Variants in DYNC2H1 observed in about 807,000 individuals in gnomAD.
The protein encoded by DYNC2H1 is cytoplasmic dynein 2 heavy chain 1.
In DYNC2H1, 410 loss-of-function variants were observed where a neutral mutation model predicts 570.0. The observed-to-expected ratio is 0.72, with a 90% confidence interval of 0.66 to 0.78. The LOEUF (loss-of-function observed/expected upper bound fraction) is 0.78, where lower values mean the gene tolerates loss of function less well. DYNC2H1 is among the 30% of genes least tolerant of loss of function. The pLI, the probability that DYNC2H1 is intolerant of heterozygous loss-of-function variation, is 0.00. For synonymous variants in DYNC2H1, 1,688 were observed against 1,677.6 expected (o/e 1.01, Z -0.15); for missense variants, 4,865 against 5,046.4 (o/e 0.96, Z 1.09).
intron 85 of DYNC2H1, among the ~76,000 whole-genome samples, chr11:103,445,895 G>A (rs1052821065): frequency 2.0e-5 from 3 of 152,024 alleles, no homozygotes; most frequent in East Asian, 3.9e-4. Flanking sequence ...CTCGTGATCC[G>A]CCCGCCTCGG....
At chr11:103,412,221 G>T (rs1943117263) in intron 84 of DYNC2H1, among the ~76,000 whole-genome samples, 5 of 152,060 alleles carry the variant, frequency 3.3e-5, no homozygotes, top group Admixed American at 3.3e-4. Context: ...TGTGCTTTAG[G>T]AAAGAGTTCA....
At chr11:103,372,900 C>G (rs2671371) in intron 83 of DYNC2H1, among the ~76,000 whole-genome samples, 101,036 of 151,944 alleles carry the variant, frequency 0.66, 33,782 homozygotes, top group Admixed American at 0.72. Context: ...TTCTATTACA[C>G]ATTCAGTTTC....
chr11:103,142,205 G>A lies in DYNC2H1; in HGVS notation c.2575-1063G>A, dbSNP rs1016901690. 1.8e-4 allele frequency among the ~76,000 whole-genome samples: 28 copies of A among 152,218 alleles called. 1 individual carries two copies. The highest frequency in any genetic ancestry group is 3.1e-4 in the African/African-American group (13 of 41,468). ...CCCTGCTTCGGCTCACGCACGATGC[G>A]CTGCACCCACTGTCCTGTGCCCACT... On this transcript the variant is annotated intron_variant, in intron 17 of 88. Transcript: ENST00000375735.
chr11:103,475,250 A>G (rs938607869), intron 88 of DYNC2H1, among the ~76,000 whole-genome samples: 1 of 152,170 alleles, frequency 6.6e-6, no homozygotes, highest in Non-Finnish European at 1.5e-5. Flanking sequence ...AAAACTTTGG[A>G]GGAAATATAA....
At chr11:103,128,800 C>T in intron 12 of DYNC2H1, 110 bp from the exon 13 acceptor site, 1 of 948,596 alleles carries the variant, frequency 1.1e-6, no homozygotes, top group Non-Finnish European at 1.5e-6. Context: ...AACCAATTTT[C>T]TGTTTAAATT....
chr11:103,329,981 T>G (rs1278563246), intron 82 of DYNC2H1, among the ~76,000 whole-genome samples: 1 of 152,228 alleles, frequency 6.6e-6, no homozygotes, highest in Non-Finnish European at 1.5e-5. Flanking sequence ...AGTCCAAAGC[T>G]TATCCTCTCC....
At position 103,159,095 on chromosome 11, in the gene DYNC2H1, C is replaced by A. The variant is rs369618812; in HGVS notation, c.4378+68C>A. 29 of 1,258,106 alleles carry A rather than the reference C, an allele frequency of 2.3e-5. 1 individual carries two copies. The highest frequency in any genetic ancestry group is 1.2e-4 in the East Asian group (5 of 40,980). The allele number at this position is 1,258,106 out of a possible 1,614,324, so 77.9% of individuals were successfully genotyped here. On this transcript the variant is annotated intron_variant, in intron 28 of 88. Transcript: ENST00000375735. Reference sequence around the variant, plus strand: ...ACTGTCTGCCAGGCCTAATATTATGCTCTTAGGTAGACTACTGAATACAGC... The same window carrying A: ...ACTGTCTGCCAGGCCTAATATTATGATCTTAGGTAGACTACTGAATACAGC...
rs1864417219 is a variant in DYNC2H1 at position 103,241,397 on chromosome 11, T to C, written c.9820-2296T>C. The stretch of plus-strand genomic sequence containing the variant: ...TAAAATGTACCATAGAAATCTTATC[T>C]AAATCTGTCTGGAGACGTAAAATAA... On this transcript the variant is annotated intron_variant, in intron 63 of 88. Transcript: ENST00000375735. This position sits in a 1 kb window ranked among gnomAD's most constrained non-coding sequence, Gnocchi z 5.1. 4.1e-6 allele frequency: 3 copies of C among 732,764 alleles called. No individual in the cohort carries two copies. The Admixed American group carries it at 8.0e-5, about 19-fold the overall frequency. 45.4% of individuals were successfully genotyped at this position (732,764 alleles called of 1,614,324 possible). A position where few individuals can be genotyped will look rare whatever the true frequency, so the allele number is the denominator to read the frequency against.
At chr11:103,297,182 A>G (rs908236874) in intron 75 of DYNC2H1, among the ~76,000 whole-genome samples, 1 of 152,134 alleles carries the variant, frequency 6.6e-6, no homozygotes, top group African/African-American at 2.4e-5. Context: ...TATATTAAAA[A>G]CATCAAAAAT....
chr11:103,415,305 C>T (rs1303336183), intron 84 of DYNC2H1, among the ~76,000 whole-genome samples: 2 of 152,082 alleles, frequency 1.3e-5, no homozygotes, highest in Non-Finnish European at 2.9e-5. Context: ...GCAACAAAAG[C>T]CAAAATTGAC....
intron 84 of DYNC2H1, among the ~76,000 whole-genome samples, chr11:103,426,702 A>T (rs1943685137): frequency 6.6e-6 from 1 of 152,186 alleles, no homozygotes; most frequent in Non-Finnish European, 1.5e-5. Flanking sequence ...TTCAGTTAAT[A>T]GCTGGCTAAT....
chr11:103,271,130 A>C (rs1168824630), intron 70 of DYNC2H1, among the ~76,000 whole-genome samples: 1 of 152,196 alleles, frequency 6.6e-6, no homozygotes, highest in Non-Finnish European at 1.5e-5. Flanking sequence ...TTTAGTGTGC[A>C]AATAATTTAA....
chr11:103,412,780 G>T (rs962930914), intron 84 of DYNC2H1, among the ~76,000 whole-genome samples: 8 of 152,164 alleles, frequency 5.3e-5, no homozygotes, highest in African/African-American at 1.9e-4. Context: ...GAGGAAGGAT[G>T]TACTTTCTTA....
At chr11:103,359,449 C>T (rs577929063) in intron 83 of DYNC2H1, among the ~76,000 whole-genome samples, 2 of 152,246 alleles carry the variant, frequency 1.3e-5, no homozygotes, top group Admixed American at 6.5e-5. Context: ...TCAGGCACAT[C>T]TGATTTTATG....
At position 103,446,037 on chromosome 11, in the gene DYNC2H1, T is replaced by TTTTTTG. The variant is rs1944415502; in HGVS notation, c.12457-9147_12457-9146insTTTGTT. Among the ~76,000 whole-genome samples, 1 of 150,478 alleles carries TTTTTTG rather than the reference T, an allele frequency of 6.6e-6. No homozygotes were observed. Among genetic ancestry groups the TTTTTTG allele is most frequent in the African/African-American group, 2.5e-5 (1 of 40,812 alleles). Reference sequence around the variant, plus strand: ...TGACAATATGGTAATAGAGCAGAGTTTTGTTGTTGTTGTTGTTGTTGTTGT... The same window carrying TTTTTTG: ...TGACAATATGGTAATAGAGCAGAGTTTTTTTGTTGTTGTTGTTGTTGTTGTTGTTGT... On this transcript the variant is annotated intron_variant, in intron 85 of 88. Transcript: ENST00000375735. This position sits in a 1 kb window ranked among gnomAD's most constrained non-coding sequence, Gnocchi z 4.5.
intron 75 of DYNC2H1, among the ~76,000 whole-genome samples, chr11:103,298,836 A>G (rs994084258): frequency 1.3e-5 from 2 of 152,172 alleles, no homozygotes; most frequent in Non-Finnish European, 2.9e-5. Context: ...ACCTTAAAAT[A>G]GTAAGTTAAA....
intron 84 of DYNC2H1, among the ~76,000 whole-genome samples, chr11:103,422,410 C>G (rs2135718489): frequency 6.6e-6 from 1 of 152,226 alleles, no homozygotes; most frequent in South Asian, 2.1e-4. Flanking sequence ...AGGCCAATAT[C>G]CTTGATGAAC....
At chr11:103,403,411 T>C (rs1238650722) in intron 84 of DYNC2H1, 1 of 152,098 alleles carries the variant, frequency 6.6e-6, no homozygotes, top group African/African-American at 2.4e-5. Context: ...TGGAAATATC[T>C]AGTCGAGGCA....
chr11:103,282,938 A>G, intron 72 of DYNC2H1, 70 bp from the exon 73 acceptor site: 3 of 1,084,076 alleles, frequency 2.8e-6, no homozygotes, highest in Non-Finnish European at 4.0e-6. Context: ...TAAAATAGCT[A>G]ATCAATTGCT....
Sources: gnomAD v4.1 joint callset for allele counts (sites outside exome capture counted in the v4.1 genomes callset) on GRCh38, gnomAD v4.1.1 for gene constraint, Gnocchi (gnomAD v3.1) non-coding constraint, MANE v1.5 for transcripts, NCBI Gene and HGNC (gene_info 2026-07-23, HGNC 2026-07-21) for gene names.